PPP2CA: variants seen among roughly 807,000 people sequenced by gnomAD.
The protein encoded by PPP2CA is serine/threonine-protein phosphatase 2A catalytic subunit alpha isoform.
In PPP2CA, 5 loss-of-function variants were observed where a neutral mutation model predicts 38.8. That is an observed-to-expected ratio of 0.13 (90% confidence interval 0.07 to 0.27). The LOEUF (loss-of-function observed/expected upper bound fraction) is 0.27, where lower values mean the gene tolerates loss of function less well. PPP2CA is among the 10% of genes least tolerant of loss of function. PPP2CA has a pLI of 1.00. For missense variants in PPP2CA, 88 were observed against 389.7 expected (o/e 0.23, Z 6.52); for synonymous variants, 152 against 134.0 (o/e 1.13, Z -0.93).
intron 2 of PPP2CA, among the ~76,000 whole-genome samples, chr5:134,203,939 T>TA (rs1487275510): frequency 6.6e-6 from 1 of 152,224 alleles, no homozygotes; most frequent in Non-Finnish European, 1.5e-5. Flanking sequence ...TGCATACTCT[T>TA]AAAGGTAGCA....
At chr5:134,206,737 AG>A (rs1257789321) in intron 1 of PPP2CA, among the ~76,000 whole-genome samples, 11 of 152,174 alleles carry the variant, frequency 7.2e-5, no homozygotes, top group African/African-American at 2.7e-4. Context: ...TACATGCATA[AG>A]CCACCTCACC....
intron 1 of PPP2CA, chr5:134,224,309 T>C (rs1366038495): frequency 4.4e-6 from 2 of 455,818 alleles, no homozygotes; most frequent in Admixed American, 2.4e-5. Flanking sequence ...ATCGCTACCA[T>C]TAAAAGGCAT....
intron 4 of PPP2CA, 27 bp from the exon 5 acceptor site, chr5:134,200,523 T>C: frequency 6.2e-7 from 1 of 1,606,282 alleles, no homozygotes; most frequent in East Asian, 2.2e-5. Flanking sequence ...AGTTATAAAA[T>C]GCCTTTTACA....
At chr5:134,202,148 A>C in intron 2 of PPP2CA, 127 bp from the exon 3 acceptor site, 1 of 886,254 alleles carries the variant, frequency 1.1e-6, no homozygotes, top group Non-Finnish European at 1.7e-6. Context: ...TCCTCATATC[A>C]TAGTGAACCA....
At chr5:134,216,827 A>C (rs1055839418) in intron 1 of PPP2CA, among the ~76,000 whole-genome samples, 6 of 152,132 alleles carry the variant, frequency 3.9e-5, no homozygotes, top group African/African-American at 1.4e-4. Flanking sequence ...CTGTATCATC[A>C]ATTCTGCCCT....
In PPP2CA at chr5:134,195,826, C is replaced by T. The variant is rs1043272072; in HGVS notation, c.*1946G>A. On this transcript the variant is annotated 3_prime_UTR_variant, in exon 7 of 7. Transcript: ENST00000481195. ...TGCTAAAACCAAGCTATTCTTATCA[C>T]AAGTCCCATTCTGCTAACCACAAAA... 4 of 152,194 alleles carry T rather than the reference C, an allele frequency of 2.6e-5. No individual in the cohort carries two copies. Among genetic ancestry groups the T allele is most frequent in the Non-Finnish European group, 4.4e-5 (3 of 68,036 alleles). The allele number at this position is 152,194 out of a possible 1,614,324, so 9.4% of individuals were successfully genotyped here.
intron 1 of PPP2CA, chr5:134,224,373 G>A: frequency 2.3e-6 from 1 of 430,264 alleles, no homozygotes; most frequent in South Asian, 1.7e-5. Flanking sequence ...GTTCAGGCTT[G>A]GGAGAAACAA....
In PPP2CA at chr5:134,225,746, G is replaced by C. The variant is rs1762564079; in HGVS notation, c.102+14C>G. ...GGCCCCGCGGCGGCTGTCCGCAGCCGTACTACAGCTCACCTTCTCGCAGAG... is the reference window on the plus strand; with the variant it reads ...GGCCCCGCGGCGGCTGTCCGCAGCCCTACTACAGCTCACCTTCTCGCAGAG... On this transcript the variant is annotated intron_variant, in intron 1 of 6. Transcript: ENST00000481195. 2 of 1,600,528 alleles carry C rather than the reference G, an allele frequency of 1.2e-6. No individual in the cohort carries two copies. Among genetic ancestry groups the C allele is most frequent in the Non-Finnish European group, 8.5e-7 (1 of 1,176,606 alleles).
At chr5:134,222,349 T>C (rs1014268462) in intron 1 of PPP2CA, among the ~76,000 whole-genome samples, 2 of 152,162 alleles carry the variant, frequency 1.3e-5, no homozygotes, top group Non-Finnish European at 2.9e-5. Flanking sequence ...CAGCAACATA[T>C]TACCCAATTC....
chr5:134,213,045 C>T (rs1322511585), intron 1 of PPP2CA, among the ~76,000 whole-genome samples: 5 of 152,192 alleles, frequency 3.3e-5, no homozygotes, highest in Non-Finnish European at 5.9e-5. Flanking sequence ...GTTTCCCAGA[C>T]GATCTACCTA....
rs1762331118 is a variant in PPP2CA at position 134,216,854 on chromosome 5, T to G, written c.102+8906A>C. Among the ~76,000 whole-genome samples the G allele has an allele frequency of 1.3e-5, 2 of 152,172 alleles. 1 individual carries two copies. The highest frequency in any genetic ancestry group is 4.1e-4 in the South Asian group (2 of 4,834). On this transcript the variant is annotated intron_variant, in intron 1 of 6. Coordinates refer to ENST00000481195, the MANE Select transcript of PPP2CA (RefSeq NM_002715.4). ...TTCTGCCCTTGATGAAAAACGTCAA[T>G]GCAGGCCTAACCTGTCTTCTCTGTA...
At chr5:134,212,734 A>G (rs1161949869) in intron 1 of PPP2CA, among the ~76,000 whole-genome samples, 1 of 152,246 alleles carries the variant, frequency 6.6e-6, no homozygotes. Flanking sequence ...TCTTTAAGGA[A>G]ATTAGAAATG....
Position 134,194,890 on chromosome 5 carries a change from G to A in PPP2CA, c.*2882C>T, listed in dbSNP as rs1761815423. 6.6e-6 allele frequency: 1 copy of A among 152,174 alleles called. No homozygotes were observed. The highest frequency in any genetic ancestry group is 2.4e-5 in the African/African-American group (1 of 41,434). 9.4% of individuals were successfully genotyped at this position (152,174 alleles called of 1,614,324 possible). Reference sequence around the variant, plus strand: ...CCCCAAGTGCTGGGATTACAGGCATGAGCCACCGCGCCTGGCTGTTTTTAA... The same window carrying A: ...CCCCAAGTGCTGGGATTACAGGCATAAGCCACCGCGCCTGGCTGTTTTTAA... On this transcript the variant is annotated 3_prime_UTR_variant, in exon 7 of 7. Transcript: ENST00000481195.
intron 1 of PPP2CA, among the ~76,000 whole-genome samples, chr5:134,207,825 G>T (rs539212144): frequency 2.2e-4 from 34 of 152,254 alleles, no homozygotes; most frequent in African/African-American, 7.7e-4. Flanking sequence ...CTGAATTACA[G>T]GCGTTAGCCA....
chr5:134,211,793 G>C (rs1219629121), intron 1 of PPP2CA, among the ~76,000 whole-genome samples: 2 of 151,886 alleles, frequency 1.3e-5, no homozygotes, highest in African/African-American at 4.8e-5. Flanking sequence ...ATTTTTAAAA[G>C]TACATGAACC....
chr5:134,203,460 T>C (rs1032505909), intron 2 of PPP2CA: 2 of 152,188 alleles, frequency 1.3e-5, no homozygotes, highest in African/African-American at 2.4e-5. Context: ...AAGTCCAAGA[T>C]CAAGGTGTCA....
chr5:134,218,536 G>A (rs1008160541), intron 1 of PPP2CA, among the ~76,000 whole-genome samples: 3 of 152,102 alleles, frequency 2.0e-5, no homozygotes, highest in Admixed American at 1.3e-4. Flanking sequence ...CTACACAACT[G>A]AGAAATGCTG....
chr5:134,206,371 A>G (rs1474664515), intron 1 of PPP2CA, among the ~76,000 whole-genome samples: 1 of 152,256 alleles, frequency 6.6e-6, no homozygotes. Flanking sequence ...TTAAAAACCT[A>G]TCAAATAGCC....
intron 1 of PPP2CA, among the ~76,000 whole-genome samples, chr5:134,222,638 A>G (rs1762470432): frequency 6.6e-6 from 1 of 152,220 alleles, no homozygotes; most frequent in Non-Finnish European, 1.5e-5. Context: ...CTGAAGTCAC[A>G]TAATAAAAGA....
Sources: allele counts gnomAD v4.1 joint callset (sites outside exome capture counted in the v4.1 genomes callset), GRCh38; gene constraint gnomAD v4.1.1; transcripts MANE v1.5; gene names NCBI Gene and HGNC (gene_info 2026-07-23, HGNC 2026-07-21).